The following SPIRE2 variants were observed in gnomAD, a reference collection of about 807,000 sequenced individuals.
SPIRE2 encodes the protein protein spire homolog 2.
Under a neutral mutation model 80.7 loss-of-function variants are expected in SPIRE2, and 76 were observed. The ratio of observed to expected loss-of-function variants is 0.94; its 90% CI spans 0.78 to 1.14. The LOEUF (loss-of-function observed/expected upper bound fraction) is 1.14, where lower values mean the gene tolerates loss of function less well. Among genes scored for constraint, SPIRE2 ranks in the 50% most tolerant of loss-of-function variants. SPIRE2 has a pLI of 0.00. For missense variants in SPIRE2, 1,196 were observed against 1,015.3 expected, an observed-to-expected ratio of 1.18 and a Z score of -2.42; for synonymous variants, 535 against 432.6, an observed-to-expected ratio of 1.24 and a Z score of -2.94.
At chr16:89,865,965 CA>C (rs376787173) in intron 12 of SPIRE2, among the ~76,000 whole-genome samples, 8,757 of 57,324 alleles carry the variant, frequency 0.15, 229 homozygotes, top group East Asian at 0.33. Flanking sequence ...GAGACTGTCT[CA>C]AAAAAAAAAA....
At chr16:89,845,015 C>A (rs1440864988) in intron 1 of SPIRE2, among the ~76,000 whole-genome samples, 1 of 152,188 alleles carries the variant, frequency 6.6e-6, no homozygotes, top group African/African-American at 2.4e-5. Flanking sequence ...TGAGTGGTCA[C>A]CATGGAGGGG....
In SPIRE2 at chr16:89,863,324, TGGCTGATGGACAA is replaced by T. The variant is rs989900447; in HGVS notation, c.1576-150_1576-138del. ...GGCCCATCAAAGACATGGGGATGGATGGCTGATGGACAAGATGGCTGATGGACAGCGTTTTAGA... is the reference window on the plus strand; with the variant it reads ...GGCCCATCAAAGACATGGGGATGGATGATGGCTGATGGACAGCGTTTTAGA... On this transcript the variant is annotated intron_variant, in intron 10 of 14. Transcript: ENST00000378247. This position sits in a 1 kb window ranked among gnomAD's most constrained non-coding sequence, Gnocchi z 4.3. 14 of 803,718 alleles carry T rather than the reference TGGCTGATGGACAA, an allele frequency of 1.7e-5. No homozygotes were observed. Among genetic ancestry groups the T allele is most frequent in the Non-Finnish European group, 2.5e-5 (13 of 519,570 alleles). 49.8% of individuals were successfully genotyped at this position (803,718 alleles called of 1,614,324 possible). A position where few individuals can be genotyped will look rare whatever the true frequency, so the allele number is the denominator to read the frequency against.
At position 89,830,987 on chromosome 16, in the gene SPIRE2, G is replaced by A. The variant is rs184695206; in HGVS notation, c.244+2193G>A. On this transcript the variant is annotated intron_variant, in intron 1 of 14. Transcript: ENST00000378247. ...TGCAGCGGCACAATCTCTGCTCACTGCAAGCTCCACCTCCCGGGTTCACGC... is the reference window on the plus strand; with the variant it reads ...TGCAGCGGCACAATCTCTGCTCACTACAAGCTCCACCTCCCGGGTTCACGC... Among the ~76,000 whole-genome samples the A allele has an allele frequency of 7.6e-4, 111 of 145,856 alleles. No homozygotes were observed. In the East Asian group the frequency reaches 0.017, roughly 23 times the overall value.
At chr16:89,853,400 C>G (rs1018160767) in intron 3 of SPIRE2, among the ~76,000 whole-genome samples, 1 of 152,196 alleles carries the variant, frequency 6.6e-6, no homozygotes, top group Non-Finnish European at 1.5e-5. Flanking sequence ...AGAGAAGGGT[C>G]TCTCCATGGG....
chr16:89,828,803 G>C lies in SPIRE2; in HGVS notation c.244+9G>C. ...GGAGCCCGAGGCCGCGGGTGAGGCC[G>C]GGGGCGGGGCAGCCGGCGGGGACCG... On this transcript the variant is annotated intron_variant, in intron 1 of 14. Coordinates refer to ENST00000378247, the MANE Select transcript of SPIRE2 (RefSeq NM_032451.2). This position sits in a 1 kb window ranked among gnomAD's most constrained non-coding sequence, Gnocchi z 5.9. 1 of 1,177,462 alleles carries C rather than the reference G, an allele frequency of 8.5e-7. No individual in the cohort carries two copies. Among genetic ancestry groups the C allele is most frequent in the East Asian group, 3.8e-5 (1 of 26,512 alleles). The allele number at this position is 1,177,462 out of a possible 1,614,324, so 72.9% of individuals were successfully genotyped here.
At position 89,870,115 on chromosome 16, in the gene SPIRE2, G is replaced by C. The variant is rs758187881; in HGVS notation, c.1988G>C (p.Cys663Ser). 2 of 1,613,580 alleles carry C rather than the reference G, an allele frequency of 1.2e-6. No homozygotes were observed. Among genetic ancestry groups the C allele is most frequent in the South Asian group, 2.2e-5 (2 of 90,898 alleles). Residue 663 changes from cysteine to serine, a missense_variant, in exon 15 of 15, where the codon TGT becomes TCT. Physicochemically the swap from Cys to Ser is moderately radical, Grantham distance 112. Coordinates refer to ENST00000378247, the MANE Select transcript of SPIRE2 (RefSeq NM_032451.2). ...TTCCCCCACATCTACTCCCACGGCT[G>C]TGTCCTGAAGGATGTCTGCAGTGAG... Reference protein sequence around the residue: ...EAFPHIYSHGCVLKDVCSECT... With the variant: ...EAFPHIYSHGSVLKDVCSECT...
chr16:89,858,250 A>T, intron 7 of SPIRE2, 88 bp from the exon 8 acceptor site: 2 of 1,345,680 alleles, frequency 1.5e-6, no homozygotes, highest in Non-Finnish European at 2.0e-6. Flanking sequence ...TCAGGGAATT[A>T]AGCCAGCTGG....
At position 89,870,881 on chromosome 16, in the gene SPIRE2, T is replaced by G. The variant is rs1001366636; in HGVS notation, c.*609T>G. 1.3e-5 allele frequency: 2 copies of G among 153,504 alleles called. No individual in the cohort carries two copies. Among genetic ancestry groups the G allele is most frequent in the Non-Finnish European group, 2.9e-5 (2 of 68,996 alleles). 9.5% of individuals were successfully genotyped at this position (153,504 alleles called of 1,614,324 possible). A position where few individuals can be genotyped will look rare whatever the true frequency, so the allele number is the denominator to read the frequency against. On this transcript the variant is annotated 3_prime_UTR_variant, in exon 15 of 15. Transcript: ENST00000378247. Reference sequence around the variant, plus strand: ...AGGGAGGATCACCTGAGGTCAGGAGTTTGAGACCAGCCTGGCCAACATGAT... The same window carrying G: ...AGGGAGGATCACCTGAGGTCAGGAGGTTGAGACCAGCCTGGCCAACATGAT...
chr16:89,858,553 A>T (rs1177877424), intron 8 of SPIRE2, 46 bp downstream of exon 8: 2 of 1,491,532 alleles, frequency 1.3e-6, no homozygotes, highest in Non-Finnish European at 1.8e-6. Context: ...GAATGGGAGG[A>T]TGGGGGCCAA....
chr16:89,847,509 C>T (rs1294172717), intron 2 of SPIRE2, among the ~76,000 whole-genome samples: 4 of 152,240 alleles, frequency 2.6e-5, no homozygotes, highest in Non-Finnish European at 5.9e-5. Context: ...AAACGTTTTA[C>T]AGAGAGCTTG....
intron 7 of SPIRE2, among the ~76,000 whole-genome samples, chr16:89,857,509 C>T (rs1297762855): frequency 1.3e-5 from 2 of 151,988 alleles, no homozygotes; most frequent in Non-Finnish European, 2.9e-5. Flanking sequence ...AATAGTATGA[C>T]ATATTTCAGC....
At chr16:89,853,482 G>C (rs2041656808) in intron 3 of SPIRE2, among the ~76,000 whole-genome samples, 1 of 152,184 alleles carries the variant, frequency 6.6e-6, no homozygotes, top group African/African-American at 2.4e-5. Context: ...TTCCCGGAAG[G>C]ACAGGAGTGC....
chr16:89,840,102 A>C (rs2041489933), intron 1 of SPIRE2, among the ~76,000 whole-genome samples: 1 of 152,148 alleles, frequency 6.6e-6, no homozygotes, highest in Non-Finnish European at 1.5e-5. Flanking sequence ...GCTCCCAAGC[A>C]GATGGAGGCT....
intron 14 of SPIRE2, 33 bp from the exon 15 acceptor site, chr16:89,870,005 ACCCTGGCTGGCT>A (rs1798842005): frequency 3.2e-6 from 5 of 1,549,948 alleles, no homozygotes; most frequent in Middle Eastern, 4.5e-4. Flanking sequence ...GGGGTGTGGC[ACCCTGGCTGGCT>A]CCTCTCCCTG....
chr16:89,838,004 CTTTT>C (rs138246482), intron 1 of SPIRE2, among the ~76,000 whole-genome samples: 9,361 of 151,770 alleles, frequency 0.062, 441 homozygotes, highest in East Asian at 0.23. Context: ...TCAGCAGCTT[CTTTT>C]TTTGTTTTTA....
In SPIRE2 at chr16:89,860,695, C is replaced by T. The variant is rs746193823; in HGVS notation, c.1475C>T (p.Ala492Val). Residue 492 changes from alanine (A) to valine (V), a missense_variant, in exon 10 of 15, where the codon GCG (alanine) becomes GTG (valine). By Grantham distance (64) the Ala-to-Val change is moderately conservative. Coordinates refer to ENST00000378247, the MANE Select transcript of SPIRE2 (RefSeq NM_032451.2). Reference protein sequence around the residue: ...PGSRDQGTCPASVSDPSHPLL... With the variant: ...PGSRDQGTCPVSVSDPSHPLL... Reference sequence around the variant, plus strand: ...TGCTCTCCCCCAGGTACCTGTCCCGCGAGTGTCTCTGACCCCAGCCACCCC... The same window carrying T: ...TGCTCTCCCCCAGGTACCTGTCCCGTGAGTGTCTCTGACCCCAGCCACCCC... 1.8e-5 allele frequency: 29 copies of T among 1,591,052 alleles called. 1 individual carries two copies. Among genetic ancestry groups the T allele is most frequent in the Middle Eastern group, 1.7e-4 (1 of 6,030 alleles).
chr16:89,865,045 C>T (rs1353478615), intron 12 of SPIRE2, among the ~76,000 whole-genome samples: 4 of 139,470 alleles, frequency 2.9e-5, no homozygotes, highest in Non-Finnish European at 6.0e-5. Context: ...CTCGCTCTGG[C>T]GCCCAGGCTG....
At chr16:89,836,979 G>A (rs990974709) in intron 1 of SPIRE2, among the ~76,000 whole-genome samples, 41 of 152,074 alleles carry the variant, frequency 2.7e-4, no homozygotes, top group African/African-American at 9.7e-4. Context: ...TAGGTAACAA[G>A]AGTGAAACTC....
intron 1 of SPIRE2, among the ~76,000 whole-genome samples, chr16:89,842,215 T>TTTTTTTTTTTTTTTTTTTTTC: frequency 8.5e-6 from 1 of 117,272 alleles, no homozygotes; most frequent in African/African-American, 4.0e-5. Flanking sequence ...GTAATTTTTT[T>TTTTTTTTTTTTTTTTTTTTTC]TTTTTTTTTT....
Sources: gnomAD v4.1 joint callset for allele counts (sites outside exome capture counted in the v4.1 genomes callset) on GRCh38, gnomAD v4.1.1 for gene constraint, Gnocchi (gnomAD v3.1) non-coding constraint, MANE v1.5 for transcripts, NCBI Gene and HGNC (gene_info 2026-07-23, HGNC 2026-07-21) for gene names.